The following MED23 variants were observed in gnomAD, a reference collection of about 807,000 sequenced individuals.
MED23 encodes the protein mediator complex subunit 23, also known as mediator of RNA polymerase II transcription subunit 23.
In MED23, 105 loss-of-function variants were observed where a neutral mutation model predicts 163.9. That is an observed-to-expected ratio of 0.64 (90% CI 0.55 to 0.75). The LOEUF (loss-of-function observed/expected upper bound fraction) is 0.75. Ranked by LOEUF, MED23 falls within the 30% of genes least tolerant of loss-of-function variation. MED23 has a pLI of 0.00. For missense variants in MED23, 1,054 were observed against 1,649.0 expected (o/e 0.64, Z 6.25); for synonymous variants, 561 against 565.6 (o/e 0.99, Z 0.12).
intron 6 of MED23, among the ~76,000 whole-genome samples, chr6:131,621,170 T>C (rs1343701869): frequency 1.3e-5 from 2 of 152,176 alleles, no homozygotes; most frequent in Admixed American, 6.5e-5. Flanking sequence ...GAGATGTTAC[T>C]TTCTGGAGAG....
At chr6:131,577,029 C>T (rs768979670) in intron 30 of MED23, among the ~76,000 whole-genome samples, 2 of 152,020 alleles carry the variant, frequency 1.3e-5, no homozygotes, top group African/African-American at 2.4e-5. Context: ...GCCGGGGGAA[C>T]AGCAAATGGA....
downstream of MED23, chr6:131,583,542 T>C (rs1254153284): frequency 1.3e-6 from 2 of 1,556,350 alleles, no homozygotes; most frequent in Non-Finnish European, 1.7e-6. Context: ...TTGACTAATA[T>C]ATATTTATAC....
intron 30 of MED23, chr6:131,576,815 T>C: frequency 7.9e-7 from 1 of 1,262,078 alleles, no homozygotes; most frequent in Non-Finnish European, 1.2e-6. Flanking sequence ...GAACCTGGAG[T>C]GTGTCTGGAA....
chr6:131,598,442 C>T lies in MED23; in HGVS notation c.2452G>A (p.Ala818Thr). The T allele has an allele frequency of 6.2e-7, 1 of 1,614,108 alleles. No individual in the cohort carries two copies. Among genetic ancestry groups the T allele is most frequent in the Admixed American group, 1.7e-5 (1 of 60,024 alleles). The change falls in exon 20 of 29, where the codon GCC becomes ACC. Residue 818 changes from alanine to threonine, a missense_variant. Around this residue, in one of 11 missense-constraint regions of MED23, gnomAD observed 228 missense variants for 461.3 expected, o/e 0.49. Transcript: ENST00000368068. This position sits in a 1 kb window ranked among gnomAD's most constrained non-coding sequence, Gnocchi z 4.7. ...AATGTCCTCACATGGGCTACCAAGGCCCTGGCTCCAATTCTCTCTAATACT... is the reference window on the plus strand; with the variant it reads ...AATGTCCTCACATGGGCTACCAAGGTCCTGGCTCCAATTCTCTCTAATACT... ...YRVLERIGAR[A>T]LVAHVRTFAD...
At chr6:131,584,056 G>A, downstream of MED23, 1 of 896,442 alleles carries the variant, frequency 1.1e-6, no homozygotes, top group Non-Finnish European at 1.6e-6. Context: ...TTCCCTCTTG[G>A]TGTAAAATTC....
intron 11 of MED23, among the ~76,000 whole-genome samples, chr6:131,609,143 G>A (rs1239619825): frequency 2.0e-5 from 3 of 152,076 alleles, no homozygotes; most frequent in Non-Finnish European, 1.5e-5. Context: ...CTTTGTACCT[G>A]TCCATCGCTA....
chr6:131,597,907 G>C (rs574757218), intron 20 of MED23, among the ~76,000 whole-genome samples: 1 of 152,100 alleles, frequency 6.6e-6, no homozygotes, highest in African/African-American at 2.4e-5. Context: ...GCAACATGGA[G>C]AAACCCCATC....
At chr6:131,574,956 T>C (rs1420383064) in intron 30 of MED23, among the ~76,000 whole-genome samples, 1 of 152,204 alleles carries the variant, frequency 6.6e-6, no homozygotes, top group African/African-American at 2.4e-5. Flanking sequence ...TTTGCACTGA[T>C]GTCTCTTCAG....
At chr6:131,597,491 A>G (rs966512812) in intron 20 of MED23, among the ~76,000 whole-genome samples, 5 of 150,330 alleles carry the variant, frequency 3.3e-5, no homozygotes, top group African/African-American at 4.9e-5. Context: ...AAAAAAAAAA[A>G]AAAAAAGAAA....
Position 131,587,041 on chromosome 6 carries a change from C to T in MED23, c.*638G>A. On this transcript the variant is annotated 3_prime_UTR_variant, in exon 29 of 29. Transcript: ENST00000368068. ...TTTCAGATGTTATTTTCTTACATGG[C>T]TTCCAACTAATTTTATACAGTAAGT... The T allele has an allele frequency of 7.0e-7, 1 of 1,422,370 alleles. No individual in the cohort carries two copies. The highest frequency in any genetic ancestry group is 9.2e-7 in the Non-Finnish European group (1 of 1,084,928). 88.1% of individuals were successfully genotyped at this position (1,422,370 alleles called of 1,614,324 possible).
At position 131,615,920 on chromosome 6, in the gene MED23, C is replaced by A. The variant is rs1034272221; in HGVS notation, c.863G>T (p.Gly288Val). ...YSRDMVCNML[G>V]LNKQHKQRCP... is the part of the protein sequence containing the mutation. Reference sequence around the variant, plus strand: ...ATAGTACAGTACCTGCTTATTTAAACCTAGCATATTGCAGACCATATCCCT... The same window carrying A: ...ATAGTACAGTACCTGCTTATTTAAAACTAGCATATTGCAGACCATATCCCT... The change falls in exon 10 of 29, where the codon GGT becomes GTT. Residue 288 changes from glycine to valine, a missense_variant. Gly to Val is a moderately radical substitution (Grantham distance 109, BLOSUM62 -3). Around this residue, in one of 11 missense-constraint regions of MED23, gnomAD observed 26 missense variants for 28.4 expected, o/e 0.92. Coordinates refer to ENST00000368068, the MANE Select transcript of MED23 (RefSeq NM_004830.4). The A allele has an allele frequency of 1.9e-6, 3 of 1,612,494 alleles. No homozygotes were observed. The highest frequency in any genetic ancestry group is 2.5e-6 in the Non-Finnish European group (3 of 1,178,800).
intron 4 of MED23, 66 bp from the exon 5 acceptor site, chr6:131,623,528 A>T (rs527750366): frequency 1.6e-6 from 2 of 1,271,264 alleles, no homozygotes; most frequent in Admixed American, 1.7e-5. Context: ...AATAGCCGCC[A>T]ATATGGTTTG....
chr6:131,604,325 G>A lies in MED23; in HGVS notation c.1614-5C>T. 6.2e-7 allele frequency: 1 copy of A among 1,613,030 alleles called. No homozygotes were observed. The highest frequency in any genetic ancestry group is 8.5e-7 in the Non-Finnish European group (1 of 1,179,458). On this transcript the variant is annotated splice_region_variant and splice_polypyrimidine_tract_variant and intron_variant, in intron 14 of 28. Coordinates refer to ENST00000368068, the MANE Select transcript of MED23 (RefSeq NM_004830.4). ...GTTGCAATGCTGTGAATAAGGCTGA[G>A]GAGAAAAAAAGGGAAGAAAATAAAA...
intron 22 of MED23, among the ~76,000 whole-genome samples, chr6:131,594,820 AC>A (rs1774922496): frequency 3.3e-5 from 5 of 152,088 alleles, no homozygotes; most frequent in Admixed American, 3.3e-4. Flanking sequence ...AAACAAACAA[AC>A]AAACAAACAA....
Position 131,598,286 on chromosome 6 carries a change from C to T in MED23, c.2607+1G>A, listed in dbSNP as rs775282486. On this transcript the variant is annotated splice_donor_variant, in intron 20 of 28. Coordinates refer to ENST00000368068, the MANE Select transcript of MED23 (RefSeq NM_004830.4). LOFTEE classifies it high-confidence loss of function. The surrounding 1 kb of genome is among the most constrained non-coding windows in gnomAD (Gnocchi z 4.7). ...AAGCTTAGAAATGTATTTATTCTTA[C>T]CAGGCAGAGAATTAATCTGTCCAGT... The T allele has an allele frequency of 6.2e-7, 1 of 1,611,666 alleles. No individual in the cohort carries two copies. Among genetic ancestry groups the T allele is most frequent in the Non-Finnish European group, 8.5e-7 (1 of 1,177,844 alleles).
Position 131,600,487 on chromosome 6 carries a change from C to A in MED23, c.2096-325G>T, listed in dbSNP as rs1309101016. On this transcript the variant is annotated intron_variant, in intron 17 of 28. Coordinates refer to ENST00000368068, the MANE Select transcript of MED23 (RefSeq NM_004830.4). ...TTACTTTGACACTGATTTAGTAGTA[C>A]TTTATTCGGCCAAGGGAACAGAATA... Among the ~76,000 whole-genome samples, 3 of 152,176 alleles carry A rather than the reference C, an allele frequency of 2.0e-5. No homozygotes were observed. In the South Asian group the frequency reaches 6.2e-4, roughly 32 times the overall value.
downstream of MED23, among the ~76,000 whole-genome samples, chr6:131,581,836 T>C (rs1773941813): frequency 6.6e-6 from 1 of 152,224 alleles, no homozygotes; most frequent in Non-Finnish European, 1.5e-5. Context: ...ATTTCAGATA[T>C]AATGGTTTAT....
chr6:131,600,967 T>A (rs1416662062), intron 17 of MED23, among the ~76,000 whole-genome samples: 1 of 151,882 alleles, frequency 6.6e-6, no homozygotes, highest in Non-Finnish European at 1.5e-5. Context: ...GTGTTCCAAG[T>A]TTGATGGGTG....
chr6:131,620,687 C>T lies in MED23; in HGVS notation c.538G>A (p.Ala180Thr). The change falls in exon 7 of 29, where the codon GCC becomes ACC. Residue 180 changes from alanine (A) to threonine (T), a missense_variant. This residue lies in a region of MED23 where 227 missense variants were observed against 235.5 expected (regional missense o/e 0.96). Coordinates refer to ENST00000368068, the MANE Select transcript of MED23 (RefSeq NM_004830.4). ...ILERNACLLP[A>T]YFAVTEIRKL... The stretch of plus-strand genomic sequence containing the variant: ...CTGATCTCAGTGACTGCAAAATAGG[C>T]TGGTAATAAGCAGGCATTTCTTTCC... 6.2e-7 allele frequency: 1 copy of T among 1,613,586 alleles called. No individual in the cohort carries two copies. Among genetic ancestry groups the T allele is most frequent in the Non-Finnish European group, 8.5e-7 (1 of 1,179,708 alleles).
Sources: allele counts gnomAD v4.1 joint callset (sites outside exome capture counted in the v4.1 genomes callset), GRCh38; gene constraint gnomAD v4.1.1; regional missense constraint gnomAD v4.1.1; non-coding constraint Gnocchi (gnomAD v3.1); transcripts MANE v1.5; gene names NCBI Gene and HGNC (gene_info 2026-07-23, HGNC 2026-07-21).